The following DDX46 variants were observed in gnomAD, a reference collection of about 807,000 sequenced individuals.
The protein encoded by DDX46 is DEAD-box helicase 46, also known as probable ATP-dependent RNA helicase DDX46.
Under a neutral mutation model 134.9 loss-of-function variants are expected in DDX46, and 30 were observed. The observed-to-expected ratio is 0.22, with a 90% CI of 0.17 to 0.30. DDX46 has a LOEUF of 0.30. Among genes scored for constraint, DDX46 ranks in the 10% least tolerant of loss-of-function variants. The probability of loss-of-function intolerance (pLI) is 1.00; values close to 1 mark genes in which losing one functional copy is unlikely to be tolerated. For missense variants in DDX46, 622 were observed against 1,248.7 expected (o/e 0.50, Z 7.56); for synonymous variants, 415 against 404.1 (o/e 1.03, Z -0.32).
At chr5:134,771,225 G>T (rs1481384870) in intron 4 of DDX46, among the ~76,000 whole-genome samples, 1 of 151,666 alleles carries the variant, frequency 6.6e-6, no homozygotes, top group African/African-American at 2.4e-5. Context: ...CTCCCAAGTA[G>T]TTGGGACTAT....
intron 2 of DDX46, among the ~76,000 whole-genome samples, chr5:134,765,684 T>TA (rs1280606822): frequency 6.6e-6 from 1 of 152,210 alleles, no homozygotes; most frequent in Non-Finnish European, 1.5e-5. Flanking sequence ...AGGTATGAGA[T>TA]ACCATACCTT....
chr5:134,763,384 T>C (rs1327751709), intron 1 of DDX46, among the ~76,000 whole-genome samples: 1 of 152,154 alleles, frequency 6.6e-6, no homozygotes, highest in East Asian at 1.9e-4. Flanking sequence ...TCTGACCTCG[T>C]CTTATGGCAC....
At chr5:134,809,255 A>G (rs1291480344) in intron 16 of DDX46, among the ~76,000 whole-genome samples, 2 of 152,196 alleles carry the variant, frequency 1.3e-5, no homozygotes, top group African/African-American at 2.4e-5. Context: ...CTGTATATAT[A>G]TGTGTTATTG....
chr5:134,772,223 A>C (rs908063177), intron 4 of DDX46, among the ~76,000 whole-genome samples: 3 of 138,910 alleles, frequency 2.2e-5, no homozygotes, highest in African/African-American at 8.3e-5. Flanking sequence ...CAAGAGCGAA[A>C]CTCTGTCTCA....
intron 10 of DDX46, 73 bp downstream of exon 10, chr5:134,784,614 A>G: frequency 7.0e-7 from 1 of 1,431,608 alleles, no homozygotes; most frequent in Non-Finnish European, 9.3e-7. Flanking sequence ...TATAGTTTAT[A>G]ATGTTCTTAA....
In DDX46 at chr5:134,804,868, T is replaced by G. The variant is rs530058367; in HGVS notation, c.1955-2880T>G. ...GAAAGCATGCTTAATCCTGTCATGATCACATTTAACACACATGGAACCACC... is the reference window on the plus strand; with the variant it reads ...GAAAGCATGCTTAATCCTGTCATGAGCACATTTAACACACATGGAACCACC... On this transcript the variant is annotated intron_variant, in intron 15 of 22. Coordinates refer to ENST00000452510, the MANE Select transcript of DDX46 (RefSeq NM_001300860.2). 7.7e-4 allele frequency: 306 copies of G among 395,734 alleles called. 3 individuals are homozygous for G. Among genetic ancestry groups the G allele is most frequent in the South Asian group, 6.6e-3 (299 of 45,056 alleles). 24.5% of individuals were successfully genotyped at this position (395,734 alleles called of 1,614,324 possible).
rs190074096 is a variant in DDX46 at position 134,783,073 on chromosome 5, G to A, written c.1166+8G>A. ...CTTAAATTCCCTCAAGAAGTAAGTG[G>A]TTGGTGGTTGTTTATGTTTTCCGTG... On this transcript the variant is annotated splice_region_variant and intron_variant, in intron 9 of 22. Coordinates refer to ENST00000452510, the MANE Select transcript of DDX46 (RefSeq NM_001300860.2). 5.8e-4 allele frequency: 932 copies of A among 1,612,124 alleles called. 3 individuals are homozygous for A. In the African/African-American group the frequency reaches 0.011, roughly 18 times the overall value.
chr5:134,822,699 C>G (rs1041777518), intron 21 of DDX46, among the ~76,000 whole-genome samples: 4 of 152,120 alleles, frequency 2.6e-5, no homozygotes, highest in Non-Finnish European at 5.9e-5. Context: ...CCTCAGCCCC[C>G]CATTTAGCTG....
Position 134,778,229 on chromosome 5 carries a change from G to A in DDX46, c.765+504G>A, listed in dbSNP as rs546923652. Reference sequence around the variant, plus strand: ...GATGAGGTTTTACCATGTTGCTCACGCTGGTCTCGAATTCCTGGCCTCAAG... The same window carrying A: ...GATGAGGTTTTACCATGTTGCTCACACTGGTCTCGAATTCCTGGCCTCAAG... On this transcript the variant is annotated intron_variant, in intron 6 of 22. Coordinates refer to ENST00000452510, the MANE Select transcript of DDX46 (RefSeq NM_001300860.2). Among the ~76,000 whole-genome samples, 51 of 151,974 alleles carry A rather than the reference G, an allele frequency of 3.4e-4. 1 individual carries two copies. Among genetic ancestry groups the A allele is most frequent in the African/African-American group, 1.1e-3 (47 of 41,428 alleles).
intron 18 of DDX46, among the ~76,000 whole-genome samples, chr5:134,813,179 G>A (rs1032988250): frequency 3.9e-5 from 6 of 152,278 alleles, no homozygotes; most frequent in African/African-American, 1.2e-4. Context: ...TCTTGACTTC[G>A]TGATCCGCCT....
chr5:134,823,448 G>A (rs1755509690), intron 21 of DDX46, among the ~76,000 whole-genome samples: 1 of 152,082 alleles, frequency 6.6e-6, no homozygotes, highest in African/African-American at 2.4e-5. Context: ...AAATACAGCT[G>A]TTATGTTTTC....
chr5:134,772,608 G>A (rs749768924), intron 4 of DDX46, among the ~76,000 whole-genome samples: 5 of 152,112 alleles, frequency 3.3e-5, no homozygotes, highest in African/African-American at 9.7e-5. Context: ...AGTTCAAGCA[G>A]TTCCCCTGCC....
chr5:134,765,091 CAG>C (rs1370278417), intron 2 of DDX46, among the ~76,000 whole-genome samples: 3 of 145,094 alleles, frequency 2.1e-5, no homozygotes, highest in African/African-American at 5.1e-5. Flanking sequence ...TTTTTTGAGA[CAG>C]AGTCTCACTC....
At position 134,760,895 on chromosome 5, in the gene DDX46, A is replaced by G. The variant is rs558723498; in HGVS notation, c.17+1940A>G. ...CAGGCGCCTGCCACCGCGTCAGGCT[A>G]ATTTTTGTATTTTTTAGTAGAGACG... On this transcript the variant is annotated intron_variant, in intron 1 of 22. Coordinates refer to ENST00000452510, the MANE Select transcript of DDX46 (RefSeq NM_001300860.2). 6.6e-4 allele frequency among the ~76,000 whole-genome samples: 100 copies of G among 151,842 alleles called. 3 individuals carry two copies. The South Asian group carries it at 0.021, about 31-fold the overall frequency.
rs1754136427 is a variant in DDX46, at chr5:134,781,025, A to C, written c.766-108A>C. The C allele has an allele frequency of 5.1e-6, 4 of 787,384 alleles. No individual in the cohort carries two copies. In the South Asian group the frequency reaches 8.4e-5, roughly 16 times the overall value. The allele number at this position is 787,384 out of a possible 1,614,324, so 48.8% of individuals were successfully genotyped here. On this transcript the variant is annotated intron_variant, in intron 6 of 22. Transcript: ENST00000452510. ...GGTGACTGAGACCATGTCACTAAAA[A>C]AAGAAAAAAAACTAAAGATGAAATT...
rs374217427 is a variant in DDX46, at chr5:134,813,386, G to A, written c.2436+1541G>A. 2.3e-4 allele frequency among the ~76,000 whole-genome samples: 35 copies of A among 152,304 alleles called. No individual in the cohort carries two copies. In the East Asian group the frequency reaches 3.7e-3, roughly 16 times the overall value. ...TCAGGTAGTTCTGGCTTAGGCGCTC[G>A]TGAGATTGCAGTCATCTGCAGGCTT... On this transcript the variant is annotated intron_variant, in intron 18 of 22. Transcript: ENST00000452510.
At position 134,828,803 on chromosome 5, in the gene DDX46, A is replaced by G; in HGVS notation, c.*97A>G. The stretch of plus-strand genomic sequence containing the variant: ...TGTATTGTAAATGAAGATTTTTTAA[A>G]TTCTATCTTGCTGATTTTTTTTAAA... On this transcript the variant is annotated 3_prime_UTR_variant, in exon 23 of 23. Coordinates refer to ENST00000452510, the MANE Select transcript of DDX46 (RefSeq NM_001300860.2). The G allele has an allele frequency of 1.1e-6, 1 of 940,396 alleles. No homozygotes were observed. Among genetic ancestry groups the G allele is most frequent in the Non-Finnish European group, 1.5e-6 (1 of 686,442 alleles). 58.3% of individuals were successfully genotyped at this position (940,396 alleles called of 1,614,324 possible). A position where few individuals can be genotyped will look rare whatever the true frequency, so the allele number is the denominator to read the frequency against.
intron 3 of DDX46, among the ~76,000 whole-genome samples, chr5:134,768,082 A>G (rs1294262147): frequency 6.6e-6 from 1 of 151,960 alleles, no homozygotes; most frequent in Non-Finnish European, 1.5e-5. Context: ...TTGATAGATG[A>G]CAGAGGTGAT....
intron 8 of DDX46, 122 bp from the exon 9 acceptor site, chr5:134,782,823 C>A: frequency 8.0e-7 from 1 of 1,257,282 alleles, no homozygotes; most frequent in Non-Finnish European, 1.1e-6. Context: ...GCTAGGATTA[C>A]AGGTGTGAGC....
Sources: gnomAD v4.1 joint callset for allele counts (sites outside exome capture counted in the v4.1 genomes callset) on GRCh38, gnomAD v4.1.1 for gene constraint, MANE v1.5 for transcripts, NCBI Gene and HGNC (gene_info 2026-07-23, HGNC 2026-07-21) for gene names.